Variants in ADAMTS9 observed in about 807,000 individuals in gnomAD.
ADAMTS9 encodes the protein A disintegrin and metalloproteinase with thrombospondin motifs 9.
A neutral mutation model predicts 257.1 loss-of-function variants in ADAMTS9; 107 were observed. The ratio of observed to expected loss-of-function variants is 0.42; its 90% CI spans 0.36 to 0.49. The LOEUF (loss-of-function observed/expected upper bound fraction) is 0.49, where lower values mean the gene tolerates loss of function less well. Ranked by LOEUF, ADAMTS9 falls within the 20% of genes least tolerant of loss-of-function variation. The probability of loss-of-function intolerance (pLI) is 0.03; values close to 1 mark genes in which losing one functional copy is unlikely to be tolerated. For missense variants in ADAMTS9, 2,353 were observed against 2,469.1 expected, an observed-to-expected ratio of 0.95 and a Z score of 1.00; for synonymous variants, 982 against 880.9, an observed-to-expected ratio of 1.11 and a Z score of -2.03.
At chr3:64,640,802 C>A (rs1432395282) in intron 12 of ADAMTS9, among the ~76,000 whole-genome samples, 1 of 152,078 alleles carries the variant, frequency 6.6e-6, no homozygotes, top group Admixed American at 6.6e-5. Flanking sequence ...ATGAAGATAG[C>A]AATTTATTAT....
rs1009333905 is a variant in ADAMTS9 at position 64,594,523 on chromosome 3, A to T, written c.4180-89T>A. The T allele has an allele frequency of 6.0e-6, 9 of 1,508,728 alleles. No individual in the cohort carries two copies. In the African/African-American group the frequency reaches 8.3e-5, roughly 14 times the overall value. 93.5% of individuals were successfully genotyped at this position (1,508,728 alleles called of 1,614,324 possible). ...CTCCCTAATTTCTTAGCCAAACTCA[A>T]TTATGGCATTGGGCAAGGTAAGCCT... On this transcript the variant is annotated intron_variant, in intron 27 of 39. Coordinates refer to ENST00000498707, the MANE Select transcript of ADAMTS9 (RefSeq NM_182920.2).
intron 26 of ADAMTS9, among the ~76,000 whole-genome samples, chr3:64,599,539 C>A (rs895796182): frequency 6.6e-6 from 1 of 152,178 alleles, no homozygotes; most frequent in African/African-American, 2.4e-5. Flanking sequence ...AGAAAACATT[C>A]CTCCTCATGG....
chr3:64,556,468 A>G (rs1295449725), intron 30 of ADAMTS9, among the ~76,000 whole-genome samples: 1 of 152,144 alleles, frequency 6.6e-6, no homozygotes, highest in Non-Finnish European at 1.5e-5. Flanking sequence ...CTACAGGTCC[A>G]TGCCACCATA....
chr3:64,551,196 C>T (rs1013747117), intron 30 of ADAMTS9, 134 bp from the exon 31 acceptor site: 3 of 1,077,292 alleles, frequency 2.8e-6, no homozygotes, highest in Non-Finnish European at 2.6e-6. Context: ...GAGAACTTCT[C>T]GTTTTTTTGT....
chr3:64,629,510 G>A (rs1700313860), intron 16 of ADAMTS9, among the ~76,000 whole-genome samples: 1 of 152,160 alleles, frequency 6.6e-6, no homozygotes, highest in African/African-American at 2.4e-5. Flanking sequence ...TGCCTGGAAT[G>A]CTCTTCCCCT....
chr3:64,642,824 C>T (rs1345241493), intron 11 of ADAMTS9, among the ~76,000 whole-genome samples: 3 of 151,838 alleles, frequency 2.0e-5, no homozygotes, highest in Admixed American at 6.6e-5. Flanking sequence ...TGGCGACTGT[C>T]GTGATTTATC....
At chr3:64,530,186 C>T (rs1420024427) in intron 38 of ADAMTS9, among the ~76,000 whole-genome samples, 2 of 152,044 alleles carry the variant, frequency 1.3e-5, no homozygotes, top group Admixed American at 6.6e-5. Flanking sequence ...TTGAGAACCA[C>T]TGCTTTAGTG....
At chr3:64,617,318 A>T (rs551872610) in intron 19 of ADAMTS9, among the ~76,000 whole-genome samples, 1 of 152,300 alleles carries the variant, frequency 6.6e-6, no homozygotes, top group Admixed American at 6.5e-5. Flanking sequence ...TGGATGAAGA[A>T]GGAAGGTGTC....
intron 3 of ADAMTS9, among the ~76,000 whole-genome samples, chr3:64,676,947 C>G (rs1701636874): frequency 6.6e-6 from 1 of 152,208 alleles, no homozygotes; most frequent in South Asian, 2.1e-4. Flanking sequence ...CCCTGCCTTT[C>G]TCTCACCCAC....
chr3:64,564,888 C>G (rs976008869), intron 29 of ADAMTS9, among the ~76,000 whole-genome samples: 3 of 152,058 alleles, frequency 2.0e-5, no homozygotes, highest in East Asian at 1.9e-4. Flanking sequence ...GATAATCACC[C>G]GAACTCAAGC....
chr3:64,546,946 C>G lies in ADAMTS9; in HGVS notation c.4876G>C (p.Val1626Leu). The change falls in exon 32 of 40, where the codon GTG becomes CTG. Residue 1626 changes from valine to leucine, a missense_variant. Physicochemically the swap from Val to Leu is conservative, Grantham distance 32 (BLOSUM62 1). Coordinates refer to ENST00000498707, the MANE Select transcript of ADAMTS9 (RefSeq NM_182920.2). ...WITGEWSECS[V>L]TCGKGYKQRL... is the part of the protein sequence containing the mutation. ...TGTTTGTAGCCTTTTCCACAGGTCA[C>G]TGAGCACTGCAAAGACAGGGATTGA... 6.2e-7 allele frequency: 1 copy of G among 1,606,124 alleles called. No homozygotes were observed. Among genetic ancestry groups the G allele is most frequent in the Non-Finnish European group, 8.5e-7 (1 of 1,176,174 alleles).
chr3:64,618,758 A>G (rs1329977668), intron 19 of ADAMTS9, among the ~76,000 whole-genome samples: 1 of 152,252 alleles, frequency 6.6e-6, no homozygotes, highest in African/African-American at 2.4e-5. Flanking sequence ...TCATTCTCCA[A>G]CCAAGTTTTA....
intron 11 of ADAMTS9, among the ~76,000 whole-genome samples, chr3:64,646,306 TAGA>T (rs927322328): frequency 2.0e-5 from 3 of 152,220 alleles, no homozygotes; most frequent in African/African-American, 7.2e-5. Context: ...TCTTTGTGTT[TAGA>T]AGGACTCTGA....
intron 22 of ADAMTS9, among the ~76,000 whole-genome samples, chr3:64,607,531 A>G (rs971122761): frequency 6.6e-6 from 1 of 152,222 alleles, no homozygotes; most frequent in Non-Finnish European, 1.5e-5. Context: ...AAAGTATGCA[A>G]CAACCAAAAG....
intron 28 of ADAMTS9, among the ~76,000 whole-genome samples, chr3:64,574,559 C>CAAAAAAAAAAAAAAA: frequency 1.2e-5 from 1 of 80,776 alleles, no homozygotes; most frequent in African/African-American, 4.1e-5. Flanking sequence ...CCCATCTCTA[C>CAAAAAAAAAAAAAAA]AAAAAAAAAA....
chr3:64,683,848 C>A (rs1012390061), intron 2 of ADAMTS9, among the ~76,000 whole-genome samples: 1 of 152,030 alleles, frequency 6.6e-6, no homozygotes, highest in African/African-American at 2.4e-5. Context: ...GTACCAAGAA[C>A]CTTGATACAA....
At position 64,568,877 on chromosome 3, in the gene ADAMTS9, T is replaced by G. The variant is rs556204510; in HGVS notation, c.4357-342A>C. 3.8e-5 allele frequency: 8 copies of G among 212,654 alleles called. No individual in the cohort carries two copies. The South Asian group carries it at 6.9e-4, about 18-fold the overall frequency. 13.2% of individuals were successfully genotyped at this position (212,654 alleles called of 1,614,324 possible). On this transcript the variant is annotated intron_variant, in intron 28 of 39. Transcript: ENST00000498707. ...GTCCTACTATGAAATAGTGATATAT[T>G]TCTTCAACAAAATGCCTGTGATTCA...
At chr3:64,557,500 G>A (rs541338489) in intron 30 of ADAMTS9, among the ~76,000 whole-genome samples, 1 of 152,038 alleles carries the variant, frequency 6.6e-6, no homozygotes, top group South Asian at 2.1e-4. Context: ...TGACCACTGC[G>A]AGGACAAATT....
intron 38 of ADAMTS9, among the ~76,000 whole-genome samples, chr3:64,531,845 C>T (rs918694019): frequency 3.3e-5 from 5 of 152,198 alleles, no homozygotes; most frequent in African/African-American, 1.2e-4. Flanking sequence ...AGGCAGGGCT[C>T]CTGGCTGAGA....
Sources: allele counts gnomAD v4.1 joint callset (sites outside exome capture counted in the v4.1 genomes callset), GRCh38; gene constraint gnomAD v4.1.1; transcripts MANE v1.5; gene names NCBI Gene and HGNC (gene_info 2026-07-23, HGNC 2026-07-21).